FMN2: variants seen among roughly 807,000 people sequenced by gnomAD.
FMN2 encodes formin 2.
A neutral mutation model predicts 142.3 loss-of-function variants in FMN2; 51 were observed. The ratio of observed to expected loss-of-function variants is 0.36; its 90% confidence interval spans 0.29 to 0.45. The LOEUF (loss-of-function observed/expected upper bound fraction) is 0.45, where lower values mean the gene tolerates loss of function less well. FMN2 is among the 20% of genes least tolerant of loss of function. The pLI is 1.00. For missense variants in FMN2, 1,936 were observed against 2,122.8 expected (o/e 0.91, Z 1.73); for synonymous variants, 882 against 869.8 (o/e 1.01, Z -0.25).
chr1:240,259,487 C>CTTT (rs35655150), intron 7 of FMN2, among the ~76,000 whole-genome samples: 49,727 of 134,054 alleles, frequency 0.37, 9,926 homozygotes, highest in East Asian at 0.55. Flanking sequence ...ACCCTGTACA[C>CTTT]TTTTTTTTTT....
rs541990593 is a variant in FMN2 at position 240,215,172 on chromosome 1, A to G, written c.4065+3937A>G. ...CATAGTTTTTGGTTAATCTTCTATCAAATAATGTCATAAGGAAATATATTT... is the reference window on the plus strand; with the variant it reads ...CATAGTTTTTGGTTAATCTTCTATCGAATAATGTCATAAGGAAATATATTT... On this transcript the variant is annotated intron_variant, in intron 6 of 17. Coordinates refer to ENST00000319653, the MANE Select transcript of FMN2 (RefSeq NM_020066.5). Among the ~76,000 whole-genome samples the G allele has an allele frequency of 4.6e-5, 7 of 152,380 alleles. No individual in the cohort carries two copies. In the East Asian group the frequency reaches 1.3e-3, roughly 29 times the overall value.
At chr1:240,282,188 C>G (rs1383712825) in intron 7 of FMN2, among the ~76,000 whole-genome samples, 1 of 152,124 alleles carries the variant, frequency 6.6e-6, no homozygotes, top group Non-Finnish European at 1.5e-5. Flanking sequence ...ACTGATATGT[C>G]TATTTCCCAT....
chr1:240,124,920 C>T (rs1362152594), intron 2 of FMN2, among the ~76,000 whole-genome samples: 1 of 152,166 alleles, frequency 6.6e-6, no homozygotes, highest in Non-Finnish European at 1.5e-5. Flanking sequence ...CCCGCCCCGG[C>T]CTCCCAAAGT....
At chr1:240,354,341 T>C (rs897148454) in intron 13 of FMN2, among the ~76,000 whole-genome samples, 2 of 151,946 alleles carry the variant, frequency 1.3e-5, no homozygotes, top group Admixed American at 1.3e-4. Context: ...AGAGAGGGGG[T>C]TGAGAATAAG....
intron 16 of FMN2, among the ~76,000 whole-genome samples, chr1:240,461,185 C>G (rs1010849106): frequency 6.6e-6 from 1 of 152,312 alleles, no homozygotes; most frequent in South Asian, 2.1e-4. Context: ...AAAGCGAACG[C>G]TCTGGAAGTA....
At chr1:240,128,481 C>G (rs1461555746) in intron 2 of FMN2, among the ~76,000 whole-genome samples, 1 of 152,122 alleles carries the variant, frequency 6.6e-6, no homozygotes, top group African/African-American at 2.4e-5. Context: ...CCTTCATGAG[C>G]TTATCTTTAA....
intron 2 of FMN2, chr1:240,145,530 A>ATTTTTTTTTTTTT (rs71168902): frequency 5.9e-5 from 5 of 84,348 alleles, no homozygotes; most frequent in Non-Finnish European, 8.7e-5. Flanking sequence ...TTCTTTTTCT[A>ATTTTTTTTTTTTT]TTTTTTTTTT....
chr1:240,302,630 A>C (rs973875582), intron 8 of FMN2, among the ~76,000 whole-genome samples: 17 of 152,084 alleles, frequency 1.1e-4, no homozygotes, highest in Non-Finnish European at 8.8e-5. Context: ...AATTTGGTAT[A>C]ATCTCAATGG....
At chr1:240,440,639 T>G (rs1426115897) in intron 16 of FMN2, among the ~76,000 whole-genome samples, 1 of 152,198 alleles carries the variant, frequency 6.6e-6, no homozygotes, top group Non-Finnish European at 1.5e-5. Context: ...CTTCTCAGTT[T>G]TCTAAATCAT....
At chr1:240,255,598 C>G (rs1668428755) in intron 6 of FMN2, among the ~76,000 whole-genome samples, 1 of 152,108 alleles carries the variant, frequency 6.6e-6, no homozygotes, top group South Asian at 2.1e-4. Context: ...CCAGAGTATG[C>G]AGGTGAAGGG....
At chr1:240,325,537 A>C (rs1048315242) in intron 8 of FMN2, among the ~76,000 whole-genome samples, 1 of 113,538 alleles carries the variant, frequency 8.8e-6, no homozygotes, top group Non-Finnish European at 1.9e-5. Context: ...TATATTTGCT[A>C]ACTTGCCTAG....
chr1:240,115,907 C>G (rs768606126), intron 1 of FMN2, among the ~76,000 whole-genome samples: 1 of 152,140 alleles, frequency 6.6e-6, no homozygotes, highest in African/African-American at 2.4e-5. Flanking sequence ...GTGGATTACT[C>G]GTGAGTTTTT....
chr1:240,343,095 A>G (rs965068586), intron 13 of FMN2, among the ~76,000 whole-genome samples: 2 of 152,222 alleles, frequency 1.3e-5, no homozygotes, highest in Non-Finnish European at 2.9e-5. Context: ...TATCAGGTAT[A>G]TATCTAACAG....
At chr1:240,356,022 T>C (rs1207479074) in intron 14 of FMN2, 114 bp downstream of exon 14, 7 of 669,648 alleles carry the variant, frequency 1.0e-5, no homozygotes, top group Non-Finnish European at 1.7e-5. Flanking sequence ...CATATTGCTT[T>C]AAAAGGGCTT....
intron 7 of FMN2, among the ~76,000 whole-genome samples, chr1:240,270,619 T>TTAAAATATA (rs1668968072): frequency 6.6e-6 from 1 of 151,988 alleles, no homozygotes; most frequent in Non-Finnish European, 1.5e-5. Context: ...GATGATTGCA[T>TTAAAATATA]TAAAATATAT....
chr1:240,444,197 T>C (rs2103193711), intron 16 of FMN2, among the ~76,000 whole-genome samples: 1 of 152,340 alleles, frequency 6.6e-6, no homozygotes, highest in African/African-American at 2.4e-5. Flanking sequence ...TACTGGACAC[T>C]GAGACGTTCA....
At chr1:240,201,400 T>C (rs1328993934) in intron 4 of FMN2, among the ~76,000 whole-genome samples, 1 of 152,204 alleles carries the variant, frequency 6.6e-6, no homozygotes, top group Non-Finnish European at 1.5e-5. Flanking sequence ...TTGAATTGCA[T>C]GAACTGTAAT....
chr1:240,193,593 G>A (rs569019040), intron 4 of FMN2, among the ~76,000 whole-genome samples: 30 of 152,338 alleles, frequency 2.0e-4, no homozygotes, highest in African/African-American at 6.7e-4. Context: ...GGCACTGGGT[G>A]TGGGGCCAGG....
Position 240,293,330 on chromosome 1 carries a change from C to T in FMN2, c.4154-1492C>T, listed in dbSNP as rs77371470. 3.6e-3 allele frequency among the ~76,000 whole-genome samples: 547 copies of T among 152,174 alleles called. 3 individuals carry two copies. The highest frequency in any genetic ancestry group is 0.013 in the African/African-American group (528 of 41,548). On this transcript the variant is annotated intron_variant, in intron 7 of 17. Transcript: ENST00000319653. ...GACACCAAGTTGACCCCTTGCATTT[C>T]CTTTATAGTTTTCTTATCATGTAGA...
Sources: gnomAD v4.1 joint callset for allele counts (sites outside exome capture counted in the v4.1 genomes callset) on GRCh38, gnomAD v4.1.1 for gene constraint, MANE v1.5 for transcripts, NCBI Gene and HGNC (gene_info 2026-07-23, HGNC 2026-07-21) for gene names.